ZDHHC15: variants seen among roughly 807,000 people sequenced by gnomAD.
ZDHHC15 encodes the protein palmitoyltransferase ZDHHC15.
Under a neutral mutation model 31.7 loss-of-function variants are expected in ZDHHC15, and 19 were observed. The observed-to-expected ratio is 0.60, with a 90% confidence interval of 0.42 to 0.88. ZDHHC15 has a LOEUF of 0.88. Among genes scored for constraint, ZDHHC15 ranks in the 40% least tolerant of loss-of-function variants. The pLI is 0.00. For synonymous variants in ZDHHC15, 103 were observed against 90.0 expected (o/e 1.14, Z -0.82); for missense variants, 209 against 251.2 (o/e 0.83, Z 1.14).
chrX:75,453,542 C>T (rs914731237), intron 3 of ZDHHC15, among the ~76,000 whole-genome samples: 27 of 111,249 alleles, frequency 2.4e-4, no homozygotes, highest in Non-Finnish European at 4.7e-4. Flanking sequence ...TTTTATGAGG[C>T]CAGCATCATC....
chrX:75,426,445 T>C (rs1274059553), intron 7 of ZDHHC15, among the ~76,000 whole-genome samples: 1 of 103,152 alleles, frequency 9.7e-6, no homozygotes, highest in East Asian at 3.0e-4. Flanking sequence ...TTCTTAAACT[T>C]TTTTTTTTTT....
intron 10 of ZDHHC15, among the ~76,000 whole-genome samples, chrX:75,412,663 C>A (rs1322957965): frequency 9.0e-6 from 1 of 111,067 alleles, no homozygotes; most frequent in Admixed American, 9.6e-5. Context: ...GATCTCCTGA[C>A]CTCGTGATCC....
At chrX:75,391,575 A>T (rs867972842) in intron 10 of ZDHHC15, among the ~76,000 whole-genome samples, 1 of 112,346 alleles carries the variant, frequency 8.9e-6, no homozygotes, top group Admixed American at 9.4e-5. Flanking sequence ...AAAGTGTTGA[A>T]GGAATAAAAT....
chrX:75,425,727 G>A (rs1489314955), intron 7 of ZDHHC15, among the ~76,000 whole-genome samples: 1 of 111,906 alleles, frequency 8.9e-6, no homozygotes, highest in East Asian at 2.8e-4. Context: ...TGATTCTTAA[G>A]TGGACCTTAA....
In ZDHHC15 at chrX:75,383,566, T is replaced by C. The variant is rs150800833; in HGVS notation, c.968-4368A>G. ...ATTCTCCCTCCTCTGTGAAGCCTTTTCTGACCAAATCAACTCACGGGAAAT... is the reference window on the plus strand; with the variant it reads ...ATTCTCCCTCCTCTGTGAAGCCTTTCCTGACCAAATCAACTCACGGGAAAT... On this transcript the variant is annotated intron_variant, in intron 10 of 11. Coordinates refer to ENST00000373367, the MANE Select transcript of ZDHHC15 (RefSeq NM_144969.3). Among the ~76,000 whole-genome samples, 1,028 of 110,602 alleles carry C rather than the reference T, an allele frequency of 9.3e-3. 16 individuals are homozygous for C. Among genetic ancestry groups the C allele is most frequent in the African/African-American group, 0.033 (989 of 30,345 alleles).
chrX:75,428,966 T>C (rs1602609052), intron 7 of ZDHHC15, 112 bp downstream of exon 7: 2 of 1,031,612 alleles, frequency 1.9e-6, no homozygotes, highest in East Asian at 6.6e-5. Flanking sequence ...TTCCAGTTAC[T>C]TCAACAGTAT....
intron 7 of ZDHHC15, among the ~76,000 whole-genome samples, chrX:75,425,225 G>A (rs1602603956): frequency 1.4e-5 from 1 of 73,721 alleles, no homozygotes; most frequent in African/African-American, 4.0e-5. Context: ...AAATGTCACG[G>A]TGATGTATGT....
Position 75,395,494 on chromosome X carries a change from A to G in ZDHHC15, c.968-16296T>C, listed in dbSNP as rs373008640. 5.4e-5 allele frequency among the ~76,000 whole-genome samples: 6 copies of G among 111,664 alleles called. No homozygotes were observed. In the East Asian group the frequency reaches 1.7e-3, roughly 31 times the overall value. ...TACCCATAAATTAGCTTAACCAAAGAAGTGAAAAATATCTACAAGAAAAGC... is the reference window on the plus strand; with the variant it reads ...TACCCATAAATTAGCTTAACCAAAGGAGTGAAAAATATCTACAAGAAAAGC... On this transcript the variant is annotated intron_variant, in intron 10 of 11. Transcript: ENST00000373367.
rs756813440 is a variant in ZDHHC15 at position 75,428,908 on chromosome X, G to A, written c.603+170C>T. On this transcript the variant is annotated intron_variant, in intron 7 of 11. Transcript: ENST00000373367. The stretch of plus-strand genomic sequence containing the variant: ...CTAGAATCTTTAAATAACAGCTTCC[G>A]AAATCTCAGAGTATTCAATATGGAA... Among the ~76,000 whole-genome samples, 5 of 111,470 alleles carry A rather than the reference G, an allele frequency of 4.5e-5. No individual in the cohort carries two copies. The East Asian group carries it at 8.5e-4, about 19-fold the overall frequency.
chrX:75,510,297 T>C (rs1170461025), intron 1 of ZDHHC15, among the ~76,000 whole-genome samples: 1 of 111,081 alleles, frequency 9.0e-6, no homozygotes, highest in African/African-American at 3.3e-5. Flanking sequence ...TTTAAAACCA[T>C]TGGAGTTATA....
At chrX:75,510,508 T>C (rs1233430242) in intron 1 of ZDHHC15, among the ~76,000 whole-genome samples, 40 of 97,913 alleles carry the variant, frequency 4.1e-4, no homozygotes, top group Middle Eastern at 5.1e-3. Context: ...GATCAGTTTA[T>C]ATTTCTTCTC....
intron 9 of ZDHHC15, among the ~76,000 whole-genome samples, chrX:75,420,894 A>T (rs1268974157): frequency 1.8e-5 from 2 of 110,437 alleles, no homozygotes; most frequent in African/African-American, 6.6e-5. Flanking sequence ...TGGCACGTGC[A>T]TACCTATGTA....
intron 10 of ZDHHC15, among the ~76,000 whole-genome samples, chrX:75,395,963 C>A (rs896494955): frequency 8.9e-6 from 1 of 112,250 alleles, no homozygotes; most frequent in Admixed American, 9.4e-5. Flanking sequence ...TGAAACTACA[C>A]CCTTACCTCT....
At chrX:75,407,468 C>A (rs2083428453) in intron 10 of ZDHHC15, among the ~76,000 whole-genome samples, 1 of 109,189 alleles carries the variant, frequency 9.2e-6, no homozygotes, top group Non-Finnish European at 1.9e-5. Context: ...CGGTCAGCCA[C>A]CCCGCCTGGC....
chrX:75,409,286 G>A (rs900052784), intron 10 of ZDHHC15, among the ~76,000 whole-genome samples: 4 of 109,498 alleles, frequency 3.7e-5, no homozygotes, highest in Non-Finnish European at 7.6e-5. Flanking sequence ...GAGGCCGGGA[G>A]TTTGAGACCA....
rs1447447514 is a variant in ZDHHC15 at position 75,379,123 on chromosome X, T to C, written c.*29A>G. The C allele has an allele frequency of 6.6e-6, 8 of 1,208,757 alleles. No individual in the cohort carries two copies. The highest frequency in any genetic ancestry group is 3.0e-5 in the East Asian group (1 of 33,825). ...GTGTCTCCCTCAGAATACTGACCTGTCTGAGAGATGCAGGAAATGTGAAAA... is the reference window on the plus strand; with the variant it reads ...GTGTCTCCCTCAGAATACTGACCTGCCTGAGAGATGCAGGAAATGTGAAAA... On this transcript the variant is annotated 3_prime_UTR_variant, in exon 11 of 12. Coordinates refer to ENST00000373367, the MANE Select transcript of ZDHHC15 (RefSeq NM_144969.3).
chrX:75,515,378 A>T (rs1043135273), intron 1 of ZDHHC15, among the ~76,000 whole-genome samples: 2 of 111,733 alleles, frequency 1.8e-5, no homozygotes, highest in African/African-American at 6.5e-5. Flanking sequence ...CAAAAAGCTT[A>T]TCCACCAAGA....
intron 10 of ZDHHC15, among the ~76,000 whole-genome samples, chrX:75,393,577 C>T (rs1280886660): frequency 9.0e-6 from 1 of 111,275 alleles, no homozygotes; most frequent in Non-Finnish European, 1.9e-5. Context: ...ATGCCAAGGA[C>T]CATCAGTGTT....
At chrX:75,412,615 T>C (rs2083498154) in intron 10 of ZDHHC15, among the ~76,000 whole-genome samples, 1 of 110,309 alleles carries the variant, frequency 9.1e-6, no homozygotes, top group Non-Finnish European at 1.9e-5. Flanking sequence ...GTATTTTTAG[T>C]AGAGATGGGG....
Sources: gnomAD v4.1 joint callset for allele counts (sites outside exome capture counted in the v4.1 genomes callset) on GRCh38, gnomAD v4.1.1 for gene constraint, MANE v1.5 for transcripts, NCBI Gene and HGNC (gene_info 2026-07-23, HGNC 2026-07-21) for gene names.